Variants in NRXN3 observed in about 807,000 individuals in gnomAD.
NRXN3 encodes neurexin III.
Under a neutral mutation model 137.6 loss-of-function variants are expected in NRXN3, and 32 were observed. The observed-to-expected ratio is 0.23, with a 90% CI of 0.18 to 0.31. NRXN3 has a LOEUF of 0.31. NRXN3 is among the 10% of genes least tolerant of loss of function. The pLI is 1.00. For missense variants in NRXN3, 1,574 were observed against 2,062.5 expected (o/e 0.76, Z 4.59); for synonymous variants, 798 against 784.5 (o/e 1.02, Z -0.29).
intron 1 of NRXN3, among the ~76,000 whole-genome samples, chr14:78,235,000 A>ATATATATATATATATGTG (rs1555418532): frequency 7.8e-4 from 30 of 38,638 alleles, no homozygotes; most frequent in Non-Finnish European, 9.3e-4. Context: ...GCTTTTATAT[A>ATATATATATATATATGTG]TATATATATA....
intron 4 of NRXN3, among the ~76,000 whole-genome samples, chr14:78,332,097 G>A (rs1263545356): frequency 6.6e-6 from 1 of 152,092 alleles, no homozygotes; most frequent in Admixed American, 6.6e-5. Flanking sequence ...CTGAACCTCA[G>A]TTTCCTCTTC....
chr14:78,912,606 C>T (rs1423583800), intron 10 of NRXN3, among the ~76,000 whole-genome samples: 4 of 152,084 alleles, frequency 2.6e-5, no homozygotes, highest in South Asian at 2.1e-4. Context: ...GGATGGAAAA[C>T]GCAGATAGTA....
intron 15 of NRXN3, among the ~76,000 whole-genome samples, chr14:79,378,260 C>T (rs1052469134): frequency 6.6e-6 from 1 of 152,188 alleles, no homozygotes; most frequent in African/African-American, 2.4e-5. Flanking sequence ...GTTGATGACT[C>T]TGGCACACAG....
intron 15 of NRXN3, among the ~76,000 whole-genome samples, chr14:79,069,910 T>C (rs1036641518): frequency 4.6e-5 from 7 of 152,140 alleles, no homozygotes; most frequent in Admixed American, 2.0e-4. Flanking sequence ...ATGAAAGTCA[T>C]ATGATAAGAG....
At chr14:78,536,144 C>T (rs1159089067) in intron 4 of NRXN3, among the ~76,000 whole-genome samples, 1 of 152,156 alleles carries the variant, frequency 6.6e-6, no homozygotes, top group East Asian at 1.9e-4. Flanking sequence ...ATTTTTCTGC[C>T]TGGGGGCTTG....
At chr14:78,872,080 A>G (rs980193820) in intron 10 of NRXN3, among the ~76,000 whole-genome samples, 2 of 151,884 alleles carry the variant, frequency 1.3e-5, no homozygotes, top group Non-Finnish European at 2.9e-5. Flanking sequence ...TTCTGATTTT[A>G]CTTCCATATT....
chr14:78,661,855 G>A (rs2097844443), intron 6 of NRXN3, among the ~76,000 whole-genome samples: 1 of 150,748 alleles, frequency 6.6e-6, no homozygotes, highest in African/African-American at 2.4e-5. Flanking sequence ...TGTAGAAAAT[G>A]TTCAGCAAAT....
intron 16 of NRXN3, among the ~76,000 whole-genome samples, chr14:79,631,683 T>C (rs1407781372): frequency 1.3e-5 from 2 of 152,208 alleles, no homozygotes; most frequent in African/African-American, 4.8e-5. Context: ...CTGGACAACT[T>C]TTCTGTCTAG....
At chr14:78,597,441 T>C (rs1224571902) in intron 4 of NRXN3, among the ~76,000 whole-genome samples, 1 of 152,224 alleles carries the variant, frequency 6.6e-6, no homozygotes, top group Non-Finnish European at 1.5e-5. Context: ...TTTTCTTTGT[T>C]TTTTTTCCAG....
At chr14:78,288,207 T>C (rs2075393891) in intron 3 of NRXN3, among the ~76,000 whole-genome samples, 1 of 152,194 alleles carries the variant, frequency 6.6e-6, no homozygotes, top group Non-Finnish European at 1.5e-5. Flanking sequence ...CTTAAACTCC[T>C]GCCCTCAGGT....
At chr14:79,763,007 A>C (rs942442119) in intron 19 of NRXN3, among the ~76,000 whole-genome samples, 1 of 151,248 alleles carries the variant, frequency 6.6e-6, no homozygotes, top group Non-Finnish European at 1.5e-5. Context: ...TCCTAATGCT[A>C]TCCCTCCCCT....
rs2062863138 is a variant in NRXN3 at position 79,181,042 on chromosome 14, G to A, written c.3262+192901G>A. Among the ~76,000 whole-genome samples the A allele has an allele frequency of 2.3e-5, 3 of 129,602 alleles. No individual in the cohort carries two copies. The South Asian group carries it at 8.8e-4, about 38-fold the overall frequency. The allele number at this position is 129,602 out of a possible 152,430, so 85.0% of individuals were successfully genotyped here. A position where few individuals can be genotyped will look rare whatever the true frequency, so the allele number is the denominator to read the frequency against. On this transcript the variant is annotated intron_variant, in intron 15 of 20. Coordinates refer to ENST00000335750, the MANE Select transcript of NRXN3 (RefSeq NM_001330195.2). ...TAAATATGTATAGATGTGTGTATAT[G>A]TATGTGTCTGTGTGCATATATATAT... is the stretch of plus-strand genomic sequence containing the variant.
chr14:78,339,118 T>A (rs974032859), intron 4 of NRXN3, among the ~76,000 whole-genome samples: 2 of 152,286 alleles, frequency 1.3e-5, no homozygotes, highest in East Asian at 1.9e-4. Flanking sequence ...GCCTAGGGGC[T>A]GGCTGCTCCC....
At chr14:78,891,141 T>C (rs1488254595) in intron 10 of NRXN3, among the ~76,000 whole-genome samples, 3 of 151,884 alleles carry the variant, frequency 2.0e-5, no homozygotes, top group African/African-American at 7.2e-5. Context: ...GGTGTGATCT[T>C]TCTGGGAGGG....
rs558235333 is a variant in NRXN3, at chr14:78,848,578, T to A, written c.2275+38234T>A. ...GCTTGTACATGAAGTTATCGATGCA[T>A]CTGCTACTCCAAGCATGTTCAGATG... On this transcript the variant is annotated intron_variant, in intron 10 of 20. Transcript: ENST00000335750. Among the ~76,000 whole-genome samples, 5 of 152,242 alleles carry A rather than the reference T, an allele frequency of 3.3e-5. No homozygotes were observed. The South Asian group carries it at 1.0e-3, about 32-fold the overall frequency.
At chr14:79,719,596 A>G (rs8022230) in intron 19 of NRXN3, among the ~76,000 whole-genome samples, 4,056 of 152,116 alleles carry the variant, frequency 0.027, 154 homozygotes, top group African/African-American at 0.092. Context: ...AACAAGGAAT[A>G]TATACGTATT....
chr14:79,522,568 A>G (rs1006077353), intron 16 of NRXN3, among the ~76,000 whole-genome samples: 29 of 152,180 alleles, frequency 1.9e-4, no homozygotes, highest in Non-Finnish European at 1.6e-4. Context: ...AAAAAGAAAA[A>G]ATAAAGAATT....
At chr14:78,821,122 A>C (rs1276403952) in intron 10 of NRXN3, among the ~76,000 whole-genome samples, 1 of 152,150 alleles carries the variant, frequency 6.6e-6, no homozygotes, top group Non-Finnish European at 1.5e-5. Flanking sequence ...TTTTTAAAGG[A>C]TTAATGGGGA....
intron 15 of NRXN3, among the ~76,000 whole-genome samples, chr14:79,368,201 T>G (rs186474306): frequency 1.3e-5 from 2 of 152,304 alleles, no homozygotes; most frequent in African/African-American, 4.8e-5. Flanking sequence ...TTGAAGTGAC[T>G]GCATACTAAA....
Sources: allele counts gnomAD v4.1 joint callset (sites outside exome capture counted in the v4.1 genomes callset), GRCh38; gene constraint gnomAD v4.1.1; transcripts MANE v1.5; gene names NCBI Gene and HGNC (gene_info 2026-07-23, HGNC 2026-07-21).